Variants in FGF10 observed in about 807,000 individuals in gnomAD.
FGF10 encodes fibroblast growth factor 10, also known as FGF-10.
A neutral mutation model predicts 19.8 loss-of-function variants in FGF10; 2 were observed. The observed-to-expected ratio is 0.10, with a 90% confidence interval of 0.04 to 0.32. The LOEUF (loss-of-function observed/expected upper bound fraction) is 0.32, where lower values mean the gene tolerates loss of function less well. FGF10 is among the 10% of genes least tolerant of loss of function. The probability of loss-of-function intolerance (pLI) is 1.00; values close to 1 mark genes in which losing one functional copy is unlikely to be tolerated. For missense variants in FGF10, 191 were observed against 246.3 expected (o/e 0.78, Z 1.50); for synonymous variants, 112 against 94.0 (o/e 1.19, Z -1.10).
chr5:44,316,888 C>A (rs574747694), intron 1 of FGF10, among the ~76,000 whole-genome samples: 2 of 152,238 alleles, frequency 1.3e-5, no homozygotes, highest in Middle Eastern at 3.4e-3. Flanking sequence ...ACTTAAGTGC[C>A]TTCAACTACT....
chr5:44,333,827 G>C (rs559512847), intron 1 of FGF10, among the ~76,000 whole-genome samples: 1 of 152,060 alleles, frequency 6.6e-6, no homozygotes, highest in Admixed American at 6.6e-5. Context: ...AATGTGTGTT[G>C]GTGTCTCAGC....
Position 44,304,867 on chromosome 5 carries a change from C to A in FGF10, c.*128G>T, listed in dbSNP as rs1384091125. On this transcript the variant is annotated 3_prime_UTR_variant, in exon 3 of 3. Coordinates refer to ENST00000264664, the MANE Select transcript of FGF10 (RefSeq NM_004465.2). ...GAATACAAAAACCTTCAAAGGCTGG[C>A]TTTCTTTTAAGCAAGCAGACATCTG... 7.6e-6 allele frequency: 7 copies of A among 919,298 alleles called. No homozygotes were observed. The highest frequency in any genetic ancestry group is 8.8e-6 in the Non-Finnish European group (5 of 565,052). 56.9% of individuals were successfully genotyped at this position (919,298 alleles called of 1,614,324 possible).
At chr5:44,306,538 G>T (rs901248511) in intron 2 of FGF10, among the ~76,000 whole-genome samples, 1 of 152,200 alleles carries the variant, frequency 6.6e-6, no homozygotes, top group Non-Finnish European at 1.5e-5. Context: ...GGCCCCGTGG[G>T]CATAGTTCAG....
rs2111942553 is a variant in FGF10, at chr5:44,389,021, T to C, written c.-339A>G. 1 of 426,658 alleles carries C rather than the reference T, an allele frequency of 2.3e-6. No homozygotes were observed. The highest frequency in any genetic ancestry group is 2.3e-5 in the South Asian group (1 of 43,210). The allele number at this position is 426,658 out of a possible 1,614,324, so 26.4% of individuals were successfully genotyped here. A position where few individuals can be genotyped will look rare whatever the true frequency, so the allele number is the denominator to read the frequency against. On this transcript the variant is annotated 5_prime_UTR_variant, in exon 1 of 3. Transcript: ENST00000264664. ...CCAGGAGTTACTTTGTTCTCTTCTT[T>C]ACTCCTTTCTTCACCATGTTAGATG...
At chr5:44,378,992 C>A (rs1741930106) in intron 1 of FGF10, among the ~76,000 whole-genome samples, 1 of 152,136 alleles carries the variant, frequency 6.6e-6, no homozygotes, top group Admixed American at 6.5e-5. Context: ...CCTCAATGTG[C>A]CTTCTCTGTA....
rs1740039415 is a variant in FGF10 at position 44,304,889 on chromosome 5, T to C, written c.*106A>G. ...TGGCTTTCTTTTAAGCAAGCAGACA[T>C]CTGCAACGTGTCTTTGCCTTTCAAT... is the stretch of plus-strand genomic sequence containing the variant. On this transcript the variant is annotated 3_prime_UTR_variant, in exon 3 of 3. Transcript: ENST00000264664. 2 of 1,137,612 alleles carry C rather than the reference T, an allele frequency of 1.8e-6. No individual in the cohort carries two copies. Among genetic ancestry groups the C allele is most frequent in the Admixed American group, 3.4e-5 (2 of 58,734 alleles). The allele number at this position is 1,137,612 out of a possible 1,614,324, so 70.5% of individuals were successfully genotyped here.
At chr5:44,332,015 C>T (rs1740745825) in intron 1 of FGF10, among the ~76,000 whole-genome samples, 1 of 151,996 alleles carries the variant, frequency 6.6e-6, no homozygotes, top group Admixed American at 6.6e-5. Flanking sequence ...TCCCTATCTC[C>T]CCACCTCTTC....
At chr5:44,311,297 G>A (rs1740204547) in intron 1 of FGF10, among the ~76,000 whole-genome samples, 1 of 152,042 alleles carries the variant, frequency 6.6e-6, no homozygotes, top group South Asian at 2.1e-4. Context: ...TCTCGGAAAA[G>A]TTTGTAGATC....
intron 1 of FGF10, among the ~76,000 whole-genome samples, chr5:44,314,198 G>C (rs1162313731): frequency 1.3e-5 from 2 of 152,036 alleles, no homozygotes; most frequent in Non-Finnish European, 2.9e-5. Context: ...TAAGAGGTTT[G>C]ATTTACCAAC....
intron 1 of FGF10, among the ~76,000 whole-genome samples, chr5:44,321,592 G>A (rs1036402803): frequency 2.6e-5 from 4 of 152,190 alleles, no homozygotes; most frequent in East Asian, 1.9e-4. Flanking sequence ...TTCTGAATGT[G>A]AGTCTATGCA....
chr5:44,381,094 C>T (rs1020022191), intron 1 of FGF10, among the ~76,000 whole-genome samples: 2 of 151,318 alleles, frequency 1.3e-5, no homozygotes, highest in Non-Finnish European at 2.9e-5. Context: ...TTATTGGGAG[C>T]AAAAATTTAA....
chr5:44,356,049 A>T (rs1741339992), intron 1 of FGF10, among the ~76,000 whole-genome samples: 1 of 151,462 alleles, frequency 6.6e-6, no homozygotes, highest in Non-Finnish European at 1.5e-5. Flanking sequence ...AACTTTCACC[A>T]ACTCTATTCC....
chr5:44,321,901 A>G (rs1441101261), intron 1 of FGF10, among the ~76,000 whole-genome samples: 4 of 152,072 alleles, frequency 2.6e-5, no homozygotes, highest in Admixed American at 1.3e-4. Context: ...AGCTGAGATT[A>G]TAGGGTGCCC....
At chr5:44,330,125 A>C (rs1740697034) in intron 1 of FGF10, among the ~76,000 whole-genome samples, 1 of 152,222 alleles carries the variant, frequency 6.6e-6, no homozygotes, top group Non-Finnish European at 1.5e-5. Context: ...CTAATCCTTT[A>C]GTAGTTTTTC....
intron 1 of FGF10, among the ~76,000 whole-genome samples, chr5:44,329,014 T>C (rs1173784891): frequency 1.3e-5 from 2 of 151,994 alleles, no homozygotes; most frequent in Non-Finnish European, 2.9e-5. Flanking sequence ...ATAAATAGCC[T>C]AAGAAGAGGA....
At chr5:44,354,216 A>G (rs1351296514) in intron 1 of FGF10, among the ~76,000 whole-genome samples, 2 of 151,490 alleles carry the variant, frequency 1.3e-5, no homozygotes, top group Non-Finnish European at 3.0e-5. Context: ...TCTTAAATAG[A>G]AAGTAGAGAG....
intron 1 of FGF10, among the ~76,000 whole-genome samples, chr5:44,355,728 C>T (rs1741331808): frequency 6.6e-6 from 1 of 151,344 alleles, no homozygotes; most frequent in Non-Finnish European, 1.5e-5. Context: ...GAGAGGACCT[C>T]TTTCATATGA....
intron 1 of FGF10, among the ~76,000 whole-genome samples, chr5:44,383,559 T>G (rs1742030234): frequency 6.6e-6 from 1 of 152,108 alleles, no homozygotes; most frequent in Non-Finnish European, 1.5e-5. Flanking sequence ...CTGACAACTG[T>G]TTCCTTAGGT....
At chr5:44,311,353 T>G (rs1042937484) in intron 1 of FGF10, among the ~76,000 whole-genome samples, 19 of 152,164 alleles carry the variant, frequency 1.2e-4, no homozygotes, top group Middle Eastern at 3.4e-3. Flanking sequence ...GCCCACCCAT[T>G]TTAGTTTAAG....
Sources: allele counts gnomAD v4.1 joint callset (sites outside exome capture counted in the v4.1 genomes callset), GRCh38; gene constraint gnomAD v4.1.1; transcripts MANE v1.5; gene names NCBI Gene and HGNC (gene_info 2026-07-23, HGNC 2026-07-21).